YES1: variants seen among roughly 807,000 people sequenced by gnomAD.
YES1 encodes YES proto-oncogene 1, Src family tyrosine kinase, also known as tyrosine-protein kinase Yes.
A neutral mutation model predicts 70.4 loss-of-function variants in YES1; 39 were observed. The observed-to-expected ratio is 0.55, with a 90% CI of 0.43 to 0.72. YES1 has a LOEUF of 0.72. Among genes scored for constraint, YES1 ranks in the 30% least tolerant of loss-of-function variants. The pLI, the probability that YES1 is intolerant of heterozygous loss-of-function variation, is 0.00. For synonymous variants in YES1, 198 were observed against 218.6 expected (o/e 0.91, Z 0.83); for missense variants, 495 against 644.8 (o/e 0.77, Z 2.52).
At chr18:768,151 G>A (rs1904994669) in intron 1 of YES1, among the ~76,000 whole-genome samples, 1 of 152,132 alleles carries the variant, frequency 6.6e-6, no homozygotes, top group South Asian at 2.1e-4. Context: ...CAGACAATAC[G>A]CACAACACAC....
intron 1 of YES1, among the ~76,000 whole-genome samples, chr18:792,571 G>GTGTA (rs1555691251): frequency 1.4e-5 from 1 of 70,666 alleles, no homozygotes; most frequent in African/African-American, 6.1e-5. Context: ...GTATATGTGT[G>GTGTA]TGTGTGTGTG....
intron 1 of YES1, among the ~76,000 whole-genome samples, chr18:808,515 T>A (rs922965142): frequency 1.3e-5 from 2 of 152,256 alleles, no homozygotes; most frequent in Non-Finnish European, 2.9e-5. Flanking sequence ...TGCCTCGCTA[T>A]AGGACTTATA....
At chr18:782,961 C>T (rs1315347269) in intron 1 of YES1, among the ~76,000 whole-genome samples, 3 of 152,212 alleles carry the variant, frequency 2.0e-5, no homozygotes, top group Admixed American at 1.3e-4. Flanking sequence ...CGATTACAGG[C>T]GTGAGCCATC....
At chr18:729,516 A>G (rs2080062040) in intron 11 of YES1, among the ~76,000 whole-genome samples, 1 of 151,806 alleles carries the variant, frequency 6.6e-6, no homozygotes, top group Admixed American at 6.6e-5. Context: ...ATTATTTTGC[A>G]AAACTTTTCT....
intron 1 of YES1, among the ~76,000 whole-genome samples, chr18:767,849 C>T (rs1904982549): frequency 6.6e-6 from 1 of 152,054 alleles, no homozygotes; most frequent in South Asian, 2.1e-4. Flanking sequence ...TACAGACGTG[C>T]ACCACAACAA....
chr18:797,657 C>T lies in YES1; in HGVS notation c.-9+14457G>A, dbSNP rs866629129. ...CTGTTAAAAATTACTTCTTTATAAT[C>T]TTCAAATTGCTTAAAAATGATAAAC... On this transcript the variant is annotated intron_variant, in intron 1 of 11. Transcript: ENST00000314574. 5.3e-4 allele frequency among the ~76,000 whole-genome samples: 80 copies of T among 152,316 alleles called. 1 individual carries two copies. The highest frequency in any genetic ancestry group is 1.5e-3 in the African/African-American group (61 of 41,572).
rs1266315852 is a variant in YES1 at position 745,626 on chromosome 18, T to C, written c.724+82A>G. On this transcript the variant is annotated intron_variant, in intron 6 of 11. Transcript: ENST00000314574. ...TATGTGTAAATAAGTGTGTTAAATC[T>C]TAAGAGAAATGAGGATATGGATTTT... 1.3e-5 allele frequency: 17 copies of C among 1,340,360 alleles called. No individual in the cohort carries two copies. In the Admixed American group the frequency reaches 3.5e-4, roughly 28 times the overall value. 83.0% of individuals were successfully genotyped at this position (1,340,360 alleles called of 1,614,324 possible). A position where few individuals can be genotyped will look rare whatever the true frequency, so the allele number is the denominator to read the frequency against.
intron 1 of YES1, among the ~76,000 whole-genome samples, chr18:769,250 G>A (rs566622519): frequency 1.3e-5 from 2 of 152,106 alleles, no homozygotes; most frequent in Admixed American, 6.5e-5. Flanking sequence ...ACGTGCGACC[G>A]TAAGTAAATC....
chr18:790,592 T>C (rs537872491), intron 1 of YES1, among the ~76,000 whole-genome samples: 19 of 152,168 alleles, frequency 1.2e-4, no homozygotes, highest in Non-Finnish European at 2.6e-4. Flanking sequence ...GTATTAGGTA[T>C]GAGAAGGGTA....
chr18:781,803 G>T (rs1159782415), intron 1 of YES1, among the ~76,000 whole-genome samples: 1 of 151,944 alleles, frequency 6.6e-6, no homozygotes, highest in Non-Finnish European at 1.5e-5. Flanking sequence ...TTGCAAGGTT[G>T]TAAGAATTAA....
At chr18:726,782 A>C (rs1020750676) in intron 11 of YES1, among the ~76,000 whole-genome samples, 1 of 8,410 alleles carries the variant, frequency 1.2e-4, no homozygotes, top group Non-Finnish European at 2.3e-4. Context: ...CTCTTGTCTC[A>C]AAAAAAAAAA....
intron 11 of YES1, among the ~76,000 whole-genome samples, chr18:728,185 G>A (rs2080044347): frequency 6.6e-6 from 1 of 151,948 alleles, no homozygotes; most frequent in Non-Finnish European, 1.5e-5. Flanking sequence ...AAATTAGCTA[G>A]GTGGATGGCA....
intron 11 of YES1, among the ~76,000 whole-genome samples, chr18:730,600 C>A (rs2080076459): frequency 6.6e-6 from 1 of 152,164 alleles, no homozygotes; most frequent in Admixed American, 6.5e-5. Flanking sequence ...ATCTCTGCCT[C>A]ATTTGCTTAA....
At chr18:733,065 A>T in intron 10 of YES1, 100 bp from the exon 11 acceptor site, 1 of 1,146,364 alleles carries the variant, frequency 8.7e-7, no homozygotes, top group Non-Finnish European at 1.3e-6. Flanking sequence ...TCTCTACTGT[A>T]GTCATCAGTG....
chr18:804,609 CA>C (rs57896154), intron 1 of YES1, among the ~76,000 whole-genome samples: 969 of 38,764 alleles, frequency 0.025, 9 homozygotes, highest in African/African-American at 0.093. Context: ...GACTGAGTCT[CA>C]AAAAAAAAAA....
Position 739,760 on chromosome 18 carries a change from G to A in YES1, c.1112C>T (p.Pro371Leu). 1 of 1,612,592 alleles carries A rather than the reference G, an allele frequency of 6.2e-7. No individual in the cohort carries two copies. The highest frequency in any genetic ancestry group is 8.5e-7 in the Non-Finnish European group (1 of 1,179,542). The change falls in exon 9 of 12, where the codon CCA (proline) becomes CTA (leucine). Residue 371 changes from proline to leucine, a missense_variant. Pro to Leu is a moderately conservative substitution (Grantham distance 98). Around this residue, in one of 2 missense-constraint regions of YES1, gnomAD observed 385 missense variants for 540.9 expected, o/e 0.71. Transcript: ENST00000314574. ...KEGDGKYLKL[P>L]QLVDMAAQIA... is the part of the protein sequence containing the mutation. ...CTGAGCAGCCATATCAACCAGCTGTGGAAGCTTCAAATACTTTCCATCTCC... is the reference window on the plus strand; with the variant it reads ...CTGAGCAGCCATATCAACCAGCTGTAGAAGCTTCAAATACTTTCCATCTCC...
At position 743,672 on chromosome 18, in the gene YES1, T is replaced by C. The variant is rs909048629; in HGVS notation, c.725-257A>G. On this transcript the variant is annotated intron_variant, in intron 6 of 11. Transcript: ENST00000314574. ...TCTGTAATCCCAGCACTTTGGGAGG[T>C]TGAGGCAGATGAATCACGAGGTCAG... Among the ~76,000 whole-genome samples, 15 of 151,984 alleles carry C rather than the reference T, an allele frequency of 9.9e-5. No homozygotes were observed. In the East Asian group the frequency reaches 1.2e-3, roughly 12 times the overall value.
chr18:779,652 C>T (rs570070967), intron 1 of YES1, among the ~76,000 whole-genome samples: 43 of 152,236 alleles, frequency 2.8e-4, no homozygotes, highest in Non-Finnish European at 1.5e-5. Context: ...ATCATTCCCT[C>T]TACAAATCCA....
At position 732,834 on chromosome 18, in the gene YES1, C is replaced by CTGGA. The variant is rs758470037; in HGVS notation, c.1419_1422dup (p.Gly475SerfsTer7). The CTGGA allele has an allele frequency of 6.2e-7, 1 of 1,614,166 alleles. No homozygotes were observed. The highest frequency in any genetic ancestry group is 8.5e-7 in the Non-Finnish European group (1 of 1,180,012). ...CAAGAGCTATAAAATGCAAGCTTACCTGGATATGGCACTCGGCCCTTTGTT... is the reference window on the plus strand; with the variant it reads ...CAAGAGCTATAAAATGCAAGCTTACCTGGATGGATATGGCACTCGGCCCTTTGTT... On this transcript the variant is annotated frameshift_variant and splice_region_variant, in exon 11 of 12. Coordinates refer to ENST00000314574, the MANE Select transcript of YES1 (RefSeq NM_005433.4). LOFTEE classifies it high-confidence loss of function.
Sources: gnomAD v4.1 joint callset for allele counts (sites outside exome capture counted in the v4.1 genomes callset) on GRCh38, gnomAD v4.1.1 for gene constraint, gnomAD v4.1.1 regional missense constraint, MANE v1.5 for transcripts, NCBI Gene and HGNC (gene_info 2026-07-23, HGNC 2026-07-21) for gene names.